IARS1: variants seen among roughly 807,000 people sequenced by gnomAD.
The protein encoded by IARS1 is isoleucine--tRNA ligase, cytoplasmic.
Under a neutral mutation model 168.2 loss-of-function variants are expected in IARS1, and 124 were observed. The ratio of observed to expected loss-of-function variants is 0.74; its 90% CI spans 0.64 to 0.86. IARS1 has a LOEUF of 0.86. IARS1 is among the 40% of genes least tolerant of loss of function. The pLI is 0.00. For missense variants in IARS1, 1,452 were observed against 1,515.8 expected (o/e 0.96, Z 0.70); for synonymous variants, 532 against 529.4 (o/e 1.00, Z -0.07).
intron 18 of IARS1, among the ~76,000 whole-genome samples, chr9:92,259,370 C>CAG (rs1831199317): frequency 6.6e-6 from 1 of 152,134 alleles, no homozygotes; most frequent in Admixed American, 6.5e-5. Flanking sequence ...CTGCTGCTTG[C>CAG]AGAGAGAGGG....
chr9:92,274,645 AAAAG>A (rs1833548734), intron 9 of IARS1, 124 bp from the exon 10 acceptor site: 1 of 624,384 alleles, frequency 1.6e-6, no homozygotes, highest in South Asian at 2.0e-5. Context: ...TCAGAAATAG[AAAAG>A]AAAGAATAAT....
chr9:92,229,937 T>A (rs993495845), intron 30 of IARS1, among the ~76,000 whole-genome samples: 7 of 152,144 alleles, frequency 4.6e-5, no homozygotes, highest in African/African-American at 9.7e-5. Flanking sequence ...ACCATGAGAA[T>A]CCTCGTGTTG....
At chr9:92,253,912 C>G (rs1291154571) in intron 20 of IARS1, 1 of 453,198 alleles carries the variant, frequency 2.2e-6, no homozygotes, top group Admixed American at 2.5e-5. Context: ...CAGTGATTCT[C>G]AAACAAAAGC....
chr9:92,226,103 C>T (rs561708759), intron 31 of IARS1, among the ~76,000 whole-genome samples: 3 of 152,252 alleles, frequency 2.0e-5, no homozygotes, highest in Non-Finnish European at 4.4e-5. Flanking sequence ...TTTCCACTGA[C>T]TTATCCACCA....
intron 4 of IARS1, 128 bp downstream of exon 4, chr9:92,287,663 A>C: frequency 5.1e-6 from 5 of 981,916 alleles, no homozygotes; most frequent in Non-Finnish European, 7.4e-6. Flanking sequence ...ATAGGGTTGA[A>C]GGTGGAAGCT....
intron 17 of IARS1, among the ~76,000 whole-genome samples, chr9:92,260,504 A>C (rs1157680731): frequency 6.6e-6 from 1 of 151,974 alleles, no homozygotes; most frequent in Non-Finnish European, 1.5e-5. Flanking sequence ...AAAATACAAA[A>C]ATTAGCTGGG....
intron 16 of IARS1, among the ~76,000 whole-genome samples, chr9:92,264,591 T>A (rs1283214202): frequency 6.6e-6 from 1 of 152,222 alleles, no homozygotes; most frequent in Non-Finnish European, 1.5e-5. Flanking sequence ...TACTGTCTTT[T>A]ATGCAAATAC....
chr9:92,283,520 C>T (rs530716915), intron 6 of IARS1, among the ~76,000 whole-genome samples: 5 of 152,008 alleles, frequency 3.3e-5, no homozygotes, highest in African/African-American at 9.6e-5. Context: ...GGCGGGCACC[C>T]GTAATCCCAG....
intron 30 of IARS1, among the ~76,000 whole-genome samples, chr9:92,235,157 T>A (rs1468234156): frequency 6.6e-6 from 1 of 152,164 alleles, no homozygotes; most frequent in Non-Finnish European, 1.5e-5. Flanking sequence ...TTTGTATGTA[T>A]GTTCCTTATG....
intron 33 of IARS1, 34 bp from the exon 34 acceptor site, chr9:92,210,923 G>C (rs1319010499): frequency 7.4e-7 from 1 of 1,349,732 alleles, no homozygotes; most frequent in East Asian, 2.3e-5. Flanking sequence ...AAAAAAATCA[G>C]TATTTTACCT....
intron 6 of IARS1, among the ~76,000 whole-genome samples, chr9:92,282,499 G>C (rs576816504): frequency 6.6e-6 from 1 of 151,918 alleles, no homozygotes; most frequent in Non-Finnish European, 1.5e-5. Context: ...TTTTTAGCAC[G>C]GTGGCTCATG....
intron 14 of IARS1, among the ~76,000 whole-genome samples, chr9:92,266,100 C>T (rs1832256612): frequency 6.6e-6 from 1 of 152,208 alleles, no homozygotes; most frequent in African/African-American, 2.4e-5. Flanking sequence ...GTTTCCACCC[C>T]AGTATCAGAG....
chr9:92,275,538 C>T (rs1431640589), intron 9 of IARS1, among the ~76,000 whole-genome samples: 2 of 152,212 alleles, frequency 1.3e-5, no homozygotes, highest in Admixed American at 6.5e-5. Flanking sequence ...ATGATAGGTG[C>T]TAAAACTTCG....
chr9:92,277,343 T>G (rs1349395055), intron 9 of IARS1, among the ~76,000 whole-genome samples: 1 of 152,030 alleles, frequency 6.6e-6, no homozygotes, highest in Non-Finnish European at 1.5e-5. Flanking sequence ...GAGAATTGCT[T>G]GAACCTGGGG....
chr9:92,239,125 T>A (rs893414102), intron 30 of IARS1, among the ~76,000 whole-genome samples: 3 of 152,194 alleles, frequency 2.0e-5, no homozygotes, highest in African/African-American at 7.2e-5. Flanking sequence ...TACCCTCCAT[T>A]TTGATTTTCC....
chr9:92,252,430 T>C (rs1020577703), intron 21 of IARS1: 4 of 510,868 alleles, frequency 7.8e-6, no homozygotes, highest in African/African-American at 5.8e-5. Context: ...TGCACAAAAA[T>C]GAAATTACAG....
chr9:92,265,387 G>A, intron 15 of IARS1, 93 bp downstream of exon 15: 1 of 1,157,242 alleles, frequency 8.6e-7, no homozygotes, highest in Middle Eastern at 1.9e-4. Flanking sequence ...CAGCAAGCTA[G>A]TCACTTCCAT....
At chr9:92,226,530 T>C (rs931583655) in intron 31 of IARS1, among the ~76,000 whole-genome samples, 16 of 152,304 alleles carry the variant, frequency 1.1e-4, no homozygotes, top group Non-Finnish European at 1.6e-4. Flanking sequence ...GAGGCTGCCA[T>C]AGTAAAGTCC....
intron 6 of IARS1, among the ~76,000 whole-genome samples, chr9:92,284,233 C>T (rs10992295): frequency 3.9e-5 from 6 of 152,150 alleles, no homozygotes; most frequent in East Asian, 3.9e-4. Flanking sequence ...GGTGTGACAA[C>T]GAATGCTAAC....
Sources: gnomAD v4.1 joint callset for allele counts (sites outside exome capture counted in the v4.1 genomes callset) on GRCh38, gnomAD v4.1.1 for gene constraint, MANE v1.5 for transcripts, NCBI Gene and HGNC (gene_info 2026-07-23, HGNC 2026-07-21) for gene names.